Variants in NBAS observed in about 807,000 individuals in gnomAD.
NBAS encodes the protein NAG/BC035112 fusion.
Under a neutral mutation model 302.5 loss-of-function variants are expected in NBAS, and 219 were observed. That is an observed-to-expected ratio of 0.72 (90% CI 0.65 to 0.81). The LOEUF is 0.81. NBAS is among the 30% of genes least tolerant of loss of function. The pLI is 0.00. For synonymous variants in NBAS, 1,118 were observed against 1,021.6 expected, an observed-to-expected ratio of 1.09 and a Z score of -1.80; for missense variants, 2,932 against 2,841.6, an observed-to-expected ratio of 1.03 and a Z score of -0.72.
At chr2:15,500,921 C>CAA (rs1277993346) in intron 11 of NBAS, among the ~76,000 whole-genome samples, 1 of 128,306 alleles carries the variant, frequency 7.8e-6, no homozygotes, top group African/African-American at 2.9e-5. Context: ...GAGACTGTCT[C>CAA]AAAAAAAAAA....
chr2:15,016,528 G>A, the NBAS span, among the ~76,000 whole-genome samples: 1 of 152,066 alleles, frequency 6.6e-6, no homozygotes, highest in Non-Finnish European at 1.5e-5. Context: ...AATTAATATT[G>A]TTAAAATGAC....
the NBAS span, among the ~76,000 whole-genome samples, chr2:14,876,986 A>G: frequency 1.3e-5 from 2 of 152,342 alleles, no homozygotes; most frequent in Non-Finnish European, 2.9e-5. Context: ...ACGAAAAGCA[A>G]CTACCACTAA....
In NBAS at chr2:15,167,222, G is replaced by A; in HGVS notation, c.6942C>T (p.Asp2314=). The A allele has an allele frequency of 6.2e-7, 1 of 1,614,262 alleles. No individual in the cohort carries two copies. The highest frequency in any genetic ancestry group is 8.5e-7 in the Non-Finnish European group (1 of 1,180,048). Residue 2314 remains aspartate (D), a synonymous_variant, in exon 52 of 52, where the codon GAC becomes GAT. Transcript: ENST00000281513. ...VSTPFYPRIV[D]HLLASLQQGR... ...CTTGCTGGAGGCTAGCCAAGAGGTGGTCAACAATACGTGGATAGAAGGGAG... is the reference window on the plus strand; with the variant it reads ...CTTGCTGGAGGCTAGCCAAGAGGTGATCAACAATACGTGGATAGAAGGGAG...
the NBAS span, among the ~76,000 whole-genome samples, chr2:15,105,760 G>C: frequency 6.6e-6 from 1 of 152,106 alleles, no homozygotes; most frequent in Non-Finnish European, 1.5e-5. Context: ...GCTGTGACAA[G>C]GACACACCAC....
chr2:15,442,542 A>T (rs1457574158), intron 21 of NBAS, among the ~76,000 whole-genome samples: 1 of 152,076 alleles, frequency 6.6e-6, no homozygotes, highest in Non-Finnish European at 1.5e-5. Flanking sequence ...TGCCCACAAG[A>T]GAAAGCAGGA....
chr2:14,967,282 T>A, the NBAS span, among the ~76,000 whole-genome samples: 1 of 152,092 alleles, frequency 6.6e-6, no homozygotes, highest in Non-Finnish European at 1.5e-5. Flanking sequence ...ATTTTTTTTA[T>A]AGAAAGCCAG....
At chr2:15,362,934 G>C (rs931738977) in intron 32 of NBAS, among the ~76,000 whole-genome samples, 3 of 152,042 alleles carry the variant, frequency 2.0e-5, no homozygotes, top group Admixed American at 1.3e-4. Context: ...AAGAAAGAAA[G>C]AGATGGGGCC....
chr2:15,383,422 CTA>C, intron 28 of NBAS, 105 bp from the exon 29 acceptor site: 1 of 861,342 alleles, frequency 1.2e-6, no homozygotes, highest in Non-Finnish European at 2.0e-6. Flanking sequence ...TACCACCACT[CTA>C]TATCCACATC....
the NBAS span, among the ~76,000 whole-genome samples, chr2:14,996,429 G>T: frequency 6.6e-6 from 1 of 152,154 alleles, no homozygotes; most frequent in Non-Finnish European, 1.5e-5. Flanking sequence ...TTTCAGTCCA[G>T]ATAGTCTCCA....
At chr2:14,917,525 A>G in the NBAS span, among the ~76,000 whole-genome samples, 2 of 152,250 alleles carry the variant, frequency 1.3e-5, no homozygotes, top group South Asian at 4.1e-4. Flanking sequence ...GCAAGTCAAA[A>G]GGAGCAACTT....
chr2:15,511,433 G>A (rs1487295426), intron 9 of NBAS, 83 bp from the exon 10 acceptor site: 2 of 1,307,208 alleles, frequency 1.5e-6, no homozygotes, highest in East Asian at 4.7e-5. Flanking sequence ...CAGTCACCTT[G>A]AGAAAGAAAA....
chr2:15,472,303 C>A (rs1679994153), intron 16 of NBAS, among the ~76,000 whole-genome samples: 1 of 152,188 alleles, frequency 6.6e-6, no homozygotes, highest in African/African-American at 2.4e-5. Context: ...GTGGCACTTA[C>A]TTCCCCGCTT....
the NBAS span, among the ~76,000 whole-genome samples, chr2:15,152,801 C>T: frequency 2.0e-5 from 3 of 152,232 alleles, no homozygotes; most frequent in African/African-American, 4.8e-5. Context: ...AAGTGGACTT[C>T]CCTCCAAGTA....
the NBAS span, among the ~76,000 whole-genome samples, chr2:14,999,066 C>A: frequency 6.6e-6 from 1 of 152,168 alleles, no homozygotes. Context: ...AAAGTCTCTT[C>A]ACCTTCCTGG....
chr2:14,910,823 T>C, the NBAS span, among the ~76,000 whole-genome samples: 2 of 152,332 alleles, frequency 1.3e-5, no homozygotes, highest in East Asian at 3.9e-4. Flanking sequence ...GCTAAACTAT[T>C]TATTATCATT....
chr2:14,949,903 A>C, the NBAS span, among the ~76,000 whole-genome samples: 38 of 152,296 alleles, frequency 2.5e-4, no homozygotes, highest in African/African-American at 8.7e-4. Flanking sequence ...GGTAGGCAGG[A>C]GGTGAAAAGG....
chr2:14,922,451 A>G, the NBAS span, among the ~76,000 whole-genome samples: 1 of 152,240 alleles, frequency 6.6e-6, no homozygotes, highest in Non-Finnish European at 1.5e-5. Context: ...CTGGAAGTTC[A>G]AAGTAGGGAG....
chr2:15,545,440 G>C (rs949287962), intron 6 of NBAS, among the ~76,000 whole-genome samples: 1 of 152,042 alleles, frequency 6.6e-6, no homozygotes, highest in Non-Finnish European at 1.5e-5. Flanking sequence ...AAGAGAAAAG[G>C]GAAAAATACC....
the NBAS span, among the ~76,000 whole-genome samples, chr2:14,861,784 C>T: frequency 6.6e-6 from 1 of 152,212 alleles, no homozygotes; most frequent in African/African-American, 2.4e-5. Flanking sequence ...CAGCGTCACT[C>T]TCTCTCCCAA....
Sources: gnomAD v4.1 joint callset for allele counts (sites outside exome capture counted in the v4.1 genomes callset) on GRCh38, gnomAD v4.1.1 for gene constraint, MANE v1.5 for transcripts, NCBI Gene and HGNC (gene_info 2026-07-23, HGNC 2026-07-21) for gene names.